The following PTCHD4 variants were observed in gnomAD, a reference collection of about 807,000 sequenced individuals.
The protein encoded by PTCHD4 is patched domain-containing protein 4.
Under a neutral mutation model 58.1 loss-of-function variants are expected in PTCHD4, and 33 were observed. That is an observed-to-expected ratio of 0.57 (90% CI 0.43 to 0.76). The LOEUF (loss-of-function observed/expected upper bound fraction) is 0.76, where lower values mean the gene tolerates loss of function less well. Among genes scored for constraint, PTCHD4 ranks in the 30% least tolerant of loss-of-function variants. The pLI, the probability that PTCHD4 is intolerant of heterozygous loss-of-function variation, is 0.00. For missense variants in PTCHD4, 1,058 were observed against 1,027.1 expected (o/e 1.03, Z -0.41); for synonymous variants, 478 against 409.6 (o/e 1.17, Z -2.02).
chr6:47,937,722 G>T (rs889088749), intron 4 of PTCHD4, among the ~76,000 whole-genome samples: 1 of 152,176 alleles, frequency 6.6e-6, no homozygotes, highest in African/African-American at 2.4e-5. Flanking sequence ...AATGGATATG[G>T]AAAAGATGAC....
chr6:48,074,050 T>G (rs1765019090), intron 1 of PTCHD4, among the ~76,000 whole-genome samples: 1 of 152,056 alleles, frequency 6.6e-6, no homozygotes, highest in Admixed American at 6.6e-5. Context: ...GAATGCTGGC[T>G]TGTGGGTTTT....
chr6:47,958,467 A>G (rs1317456576), intron 4 of PTCHD4, among the ~76,000 whole-genome samples: 1 of 152,180 alleles, frequency 6.6e-6, no homozygotes, highest in Non-Finnish European at 1.5e-5. Flanking sequence ...GAAACAAATG[A>G]CGTGAACCCT....
intron 3 of PTCHD4, among the ~76,000 whole-genome samples, chr6:48,034,981 G>T (rs1295276705): frequency 1.3e-5 from 2 of 152,130 alleles, no homozygotes; most frequent in Non-Finnish European, 2.9e-5. Flanking sequence ...CGAAGAAGGG[G>T]CGGGGACATA....
At chr6:47,979,360 A>G (rs1767800452) in intron 4 of PTCHD4, among the ~76,000 whole-genome samples, 1 of 152,168 alleles carries the variant, frequency 6.6e-6, no homozygotes, top group Admixed American at 6.5e-5. Context: ...AACTAAACAA[A>G]TATTGAACTC....
In PTCHD4 at chr6:47,858,095, A is replaced by G; in HGVS notation, c.*20208T>C. ...GGACATTTGAATTTGAGTGTTGTCC[A>G]TGTACTTCCTTGTTGTACATTCCCT... On this transcript the variant is annotated 3_prime_UTR_variant, in exon 5 of 5. Coordinates refer to ENST00000339488, the MANE Select transcript of PTCHD4 (RefSeq NM_001384253.1). Among the ~76,000 whole-genome samples, 1 of 152,152 alleles carries G rather than the reference A, an allele frequency of 6.6e-6. No homozygotes were observed. Among genetic ancestry groups the G allele is most frequent in the Non-Finnish European group, 1.5e-5 (1 of 67,954 alleles).
At chr6:48,110,064 T>TA in intron 1 of PTCHD4, among the ~76,000 whole-genome samples, 1 of 152,212 alleles carries the variant, frequency 6.6e-6, no homozygotes, top group Non-Finnish European at 1.5e-5. Flanking sequence ...CCTTAAAAGT[T>TA]AAACACAGAA....
chr6:47,964,266 A>G (rs1767203715), intron 4 of PTCHD4, among the ~76,000 whole-genome samples: 1 of 152,166 alleles, frequency 6.6e-6, no homozygotes, highest in African/African-American at 2.4e-5. Flanking sequence ...ATGATAGTGT[A>G]TTATGCACAT....
chr6:48,100,447 C>T (rs1404501479), intron 1 of PTCHD4, among the ~76,000 whole-genome samples: 1 of 152,142 alleles, frequency 6.6e-6, no homozygotes, highest in East Asian at 1.9e-4. Flanking sequence ...TGACTCAATT[C>T]CCAAGCAACA....
intron 4 of PTCHD4, among the ~76,000 whole-genome samples, chr6:47,999,451 G>A (rs1390838478): frequency 6.6e-6 from 1 of 152,154 alleles, no homozygotes; most frequent in African/African-American, 2.4e-5. Context: ...ATTATTTTAG[G>A]AAGGATTTTG....
At chr6:47,993,578 T>A (rs910219256) in intron 4 of PTCHD4, among the ~76,000 whole-genome samples, 1 of 152,226 alleles carries the variant, frequency 6.6e-6, no homozygotes, top group Non-Finnish European at 1.5e-5. Flanking sequence ...CAGGTGTCAG[T>A]TGATATTCAA....
chr6:47,940,944 A>T (rs1766193405), intron 4 of PTCHD4, among the ~76,000 whole-genome samples: 1 of 152,182 alleles, frequency 6.6e-6, no homozygotes, highest in African/African-American at 2.4e-5. Context: ...CACAGCAGAT[A>T]ACTAATAAAT....
chr6:48,065,740 A>G (rs956611004), intron 3 of PTCHD4, among the ~76,000 whole-genome samples: 1 of 152,180 alleles, frequency 6.6e-6, no homozygotes, highest in African/African-American at 2.4e-5. Context: ...GAAAATCTCA[A>G]AAGCCCAATT....
At chr6:48,014,088 A>C (rs908984248) in intron 3 of PTCHD4, among the ~76,000 whole-genome samples, 1 of 152,142 alleles carries the variant, frequency 6.6e-6, no homozygotes, top group Non-Finnish European at 1.5e-5. Flanking sequence ...CCATTATTTT[A>C]AAATTAATAT....
intron 3 of PTCHD4, among the ~76,000 whole-genome samples, chr6:48,051,561 A>G (rs1040121923): frequency 6.6e-6 from 1 of 151,924 alleles, no homozygotes; most frequent in African/African-American, 2.4e-5. Context: ...TGGATGATTA[A>G]TAACCCTCAT....
chr6:47,881,542 A>G (rs1463620177), intron 4 of PTCHD4, among the ~76,000 whole-genome samples: 1 of 151,192 alleles, frequency 6.6e-6, no homozygotes, highest in East Asian at 1.9e-4. Flanking sequence ...AGAAAACCAA[A>G]TCTTGGCTAA....
intron 4 of PTCHD4, among the ~76,000 whole-genome samples, chr6:47,948,575 A>C (rs1217076415): frequency 1.3e-5 from 2 of 152,204 alleles, no homozygotes; most frequent in African/African-American, 4.8e-5. Flanking sequence ...AACAGAATGC[A>C]TCATTATAAG....
intron 3 of PTCHD4, among the ~76,000 whole-genome samples, chr6:48,052,405 C>T (rs755680789): frequency 6.6e-6 from 1 of 151,164 alleles, no homozygotes; most frequent in Non-Finnish European, 1.5e-5. Flanking sequence ...TAACAAATAG[C>T]AATCGCTTGT....
chr6:48,038,396 C>T (rs1042850167), intron 3 of PTCHD4, among the ~76,000 whole-genome samples: 3 of 151,970 alleles, frequency 2.0e-5, no homozygotes, highest in African/African-American at 4.8e-5. Context: ...AATCCCAGCA[C>T]TTTGGGAGGC....
At chr6:47,884,713 T>C (rs1928289) in intron 4 of PTCHD4, among the ~76,000 whole-genome samples, 112,533 of 152,176 alleles carry the variant, frequency 0.74, 41,845 homozygotes, top group East Asian at 0.84. Flanking sequence ...GTTCTGGACT[T>C]GTTTTACATG....
Sources: gnomAD v4.1 joint callset for allele counts (sites outside exome capture counted in the v4.1 genomes callset) on GRCh38, gnomAD v4.1.1 for gene constraint, MANE v1.5 for transcripts, NCBI Gene and HGNC (gene_info 2026-07-23, HGNC 2026-07-21) for gene names.